Variants in GLRA3 observed in about 807,000 individuals in gnomAD.
GLRA3 encodes the protein glycine receptor subunit alpha-3.
Under a neutral mutation model 60.4 loss-of-function variants are expected in GLRA3, and 44 were observed. That is an observed-to-expected ratio of 0.73 (90% CI 0.57 to 0.94). The LOEUF (loss-of-function observed/expected upper bound fraction) is 0.94, where lower values mean the gene tolerates loss of function less well. Ranked by LOEUF, GLRA3 falls within the 40% of genes least tolerant of loss-of-function variation. GLRA3 has a pLI of 0.00. For missense variants in GLRA3, 508 were observed against 564.6 expected (o/e 0.90, Z 1.02); for synonymous variants, 223 against 192.9 (o/e 1.16, Z -1.29).
chr4:174,717,039 AAT>A (rs149325552), intron 4 of GLRA3, among the ~76,000 whole-genome samples: 24 of 147,622 alleles, frequency 1.6e-4, no homozygotes, highest in South Asian at 2.1e-4. Flanking sequence ...TATCTCTACA[AAT>A]ATATATATAT....
intron 4 of GLRA3, among the ~76,000 whole-genome samples, chr4:174,725,519 T>C (rs1017714591): frequency 1.9e-4 from 29 of 152,272 alleles, no homozygotes; most frequent in African/African-American, 6.0e-4. Flanking sequence ...CTTGCTTTTT[T>C]ACCCAGGCTG....
At chr4:174,790,517 C>A (rs563942230) in intron 1 of GLRA3, among the ~76,000 whole-genome samples, 1 of 69,862 alleles carries the variant, frequency 1.4e-5, no homozygotes. Context: ...GGAAAAGCAT[C>A]GTTGGATTTT....
At chr4:174,800,629 C>A (rs1739772293) in intron 1 of GLRA3, among the ~76,000 whole-genome samples, 1 of 151,904 alleles carries the variant, frequency 6.6e-6, no homozygotes, top group South Asian at 2.1e-4. Flanking sequence ...ACTTTCTTTA[C>A]TCTATCACTT....
chr4:174,731,895 A>G (rs900270916), intron 3 of GLRA3, among the ~76,000 whole-genome samples: 21 of 152,362 alleles, frequency 1.4e-4, no homozygotes, highest in Non-Finnish European at 2.9e-4. Context: ...AGTATCTGAA[A>G]AAATGTTCAA....
intron 5 of GLRA3, among the ~76,000 whole-genome samples, chr4:174,705,068 A>G (rs1735465065): frequency 6.9e-6 from 1 of 143,968 alleles, no homozygotes; most frequent in African/African-American, 2.5e-5. Flanking sequence ...AATGGTTAAG[A>G]TGGTACATTT....
intron 5 of GLRA3, among the ~76,000 whole-genome samples, chr4:174,708,909 TGCCTCTA>T (rs1234453526): frequency 6.6e-6 from 1 of 151,690 alleles, no homozygotes; most frequent in African/African-American, 2.4e-5. Flanking sequence ...GTTTTTTTCC[TGCCTCTA>T]GCCCTGTACA....
intron 4 of GLRA3, among the ~76,000 whole-genome samples, chr4:174,718,288 T>C (rs7658547): frequency 0.41 from 63,044 of 151,982 alleles, 13,306 homozygotes; most frequent in South Asian, 0.47. Flanking sequence ...CAAAAGAAAA[T>C]TAAATCAAGA....
At chr4:174,695,283 C>CA (rs905187213) in intron 5 of GLRA3, among the ~76,000 whole-genome samples, 8 of 151,732 alleles carry the variant, frequency 5.3e-5, no homozygotes, top group African/African-American at 1.7e-4. Context: ...AAAGACGCAA[C>CA]AAAAAAAGAA....
At chr4:174,761,374 C>A (rs769673852) in intron 3 of GLRA3, among the ~76,000 whole-genome samples, 2 of 152,022 alleles carry the variant, frequency 1.3e-5, no homozygotes, top group Non-Finnish European at 2.9e-5. Flanking sequence ...GTGAGCCTAT[C>A]ATTTGTATGA....
chr4:174,782,274 A>G (rs886618612), intron 2 of GLRA3, among the ~76,000 whole-genome samples: 3 of 151,618 alleles, frequency 2.0e-5, no homozygotes, highest in African/African-American at 7.3e-5. Flanking sequence ...ACAACCCTTC[A>G]TGCTAAAAAC....
rs1373514273 is a variant in GLRA3 at position 174,638,292 on chromosome 4, T to G, written c.*5494A>C. 1 of 152,130 alleles carries G rather than the reference T, an allele frequency of 6.6e-6. No individual in the cohort carries two copies. 9.4% of individuals were successfully genotyped at this position (152,130 alleles called of 1,614,324 possible). A position where few individuals can be genotyped will look rare whatever the true frequency, so the allele number is the denominator to read the frequency against. ...AAAGATTTATTTTAAATTCTTTTTT[T>G]GTCTGTCTGTTTGTTTGTGAGACAG... On this transcript the variant is annotated 3_prime_UTR_variant, in exon 10 of 10. Transcript: ENST00000274093.
intron 3 of GLRA3, among the ~76,000 whole-genome samples, chr4:174,745,773 C>A (rs1737220482): frequency 6.7e-6 from 1 of 149,172 alleles, no homozygotes; most frequent in Non-Finnish European, 1.5e-5. Flanking sequence ...ATATAAGGAA[C>A]TTGAACAACT....
chr4:174,761,474 C>T (rs370297256), intron 3 of GLRA3, among the ~76,000 whole-genome samples: 6 of 152,222 alleles, frequency 3.9e-5, no homozygotes, highest in African/African-American at 1.4e-4. Context: ...TCTATGTACA[C>T]CGACACCTGA....
At chr4:174,790,663 A>T (rs1242236463) in intron 1 of GLRA3, among the ~76,000 whole-genome samples, 1 of 151,506 alleles carries the variant, frequency 6.6e-6, no homozygotes, top group Non-Finnish European at 1.5e-5. Context: ...AACCAATAAT[A>T]CTCTGCCTCC....
intron 5 of GLRA3, among the ~76,000 whole-genome samples, chr4:174,713,381 C>T (rs1735794366): frequency 1.3e-5 from 2 of 152,104 alleles, no homozygotes; most frequent in South Asian, 2.1e-4. Flanking sequence ...AAAACATAAG[C>T]CCAGTGATCT....
chr4:174,678,641 T>C (rs919989560), intron 6 of GLRA3, among the ~76,000 whole-genome samples: 1 of 152,134 alleles, frequency 6.6e-6, no homozygotes, highest in African/African-American at 2.4e-5. Context: ...GTTCATAAAG[T>C]CCAGAAAACG....
chr4:174,692,272 G>A (rs1250270711), intron 5 of GLRA3, among the ~76,000 whole-genome samples: 1 of 143,120 alleles, frequency 7.0e-6, no homozygotes, highest in South Asian at 2.4e-4. Context: ...GAGGTGGGGG[G>A]GTCAGCACCC....
intron 2 of GLRA3, among the ~76,000 whole-genome samples, chr4:174,780,307 A>G (rs1336442492): frequency 2.0e-5 from 3 of 150,550 alleles, no homozygotes; most frequent in African/African-American, 7.3e-5. Context: ...AGAGCTCCTG[A>G]AGGAAGCACT....
intron 3 of GLRA3, among the ~76,000 whole-genome samples, chr4:174,751,587 G>A (rs1737485952): frequency 2.6e-5 from 4 of 152,014 alleles, no homozygotes; most frequent in Admixed American, 2.6e-4. Context: ...AAATAGGTAG[G>A]GGCATAATCA....
Sources: allele counts gnomAD v4.1 joint callset (sites outside exome capture counted in the v4.1 genomes callset), GRCh38; gene constraint gnomAD v4.1.1; transcripts MANE v1.5; gene names NCBI Gene and HGNC (gene_info 2026-07-23, HGNC 2026-07-21).